The following TNIK variants were observed in gnomAD, a reference collection of about 807,000 sequenced individuals.
TNIK encodes the protein TRAF2 and NCK-interacting protein kinase.
TNIK carries 49 observed loss-of-function variants against 191.3 expected under a neutral mutation model. That is an observed-to-expected ratio of 0.26 (90% CI 0.20 to 0.32). The LOEUF (loss-of-function observed/expected upper bound fraction) is 0.32, where lower values mean the gene tolerates loss of function less well. Among genes scored for constraint, TNIK ranks in the 10% least tolerant of loss-of-function variants. TNIK has a pLI of 1.00. For synonymous variants in TNIK, 594 were observed against 600.9 expected, an observed-to-expected ratio of 0.99 and a Z score of 0.17; for missense variants, 1,155 against 1,702.3, an observed-to-expected ratio of 0.68 and a Z score of 5.66.
At position 171,154,629 on chromosome 3, in the gene TNIK, A is replaced by T. The variant is rs1732931266; in HGVS notation, c.1221+2831T>A. ...GAAGCCTTGACCCCTGAAGGCTCCC[A>T]TTATTCTTGGATCCTAACTCCATGA... On this transcript the variant is annotated intron_variant, in intron 12 of 32. Transcript: ENST00000436636. 2.6e-5 allele frequency among the ~76,000 whole-genome samples: 4 copies of T among 152,352 alleles called. No individual in the cohort carries two copies. The South Asian group carries it at 8.3e-4, about 32-fold the overall frequency.
chr3:171,256,640 G>A (rs1746914247), intron 2 of TNIK, among the ~76,000 whole-genome samples: 1 of 152,160 alleles, frequency 6.6e-6, no homozygotes, highest in Admixed American at 6.5e-5. Flanking sequence ...ACTTTACAAA[G>A]GGTGACTAGC....
At chr3:171,411,328 G>A (rs1722392118) in intron 1 of TNIK, among the ~76,000 whole-genome samples, 1 of 152,124 alleles carries the variant, frequency 6.6e-6, no homozygotes, top group Non-Finnish European at 1.5e-5. Flanking sequence ...GAGATTGAAA[G>A]TGGTGCTGGT....
At chr3:171,268,986 C>G (rs1489265209) in intron 2 of TNIK, among the ~76,000 whole-genome samples, 1 of 152,174 alleles carries the variant, frequency 6.6e-6, no homozygotes, top group Non-Finnish European at 1.5e-5. Flanking sequence ...ATTTTACCTT[C>G]TTTTGCAGAG....
At chr3:171,235,413 G>A (rs959086917) in intron 2 of TNIK, among the ~76,000 whole-genome samples, 3 of 152,114 alleles carry the variant, frequency 2.0e-5, no homozygotes, top group Admixed American at 6.5e-5. Flanking sequence ...AAAAGATGGC[G>A]ACAAAGTATG....
chr3:171,346,979 G>T, intron 2 of TNIK: 3 of 617,144 alleles, frequency 4.9e-6, no homozygotes, highest in Non-Finnish European at 8.1e-6. Context: ...TGCACAGTAG[G>T]AATGTAGGGG....
intron 1 of TNIK, among the ~76,000 whole-genome samples, chr3:171,414,048 A>G (rs1722737892): frequency 6.6e-6 from 1 of 152,180 alleles, no homozygotes; most frequent in African/African-American, 2.4e-5. Flanking sequence ...CTACCTATCC[A>G]TCTATCCATC....
At chr3:171,392,578 G>A (rs113736305) in intron 1 of TNIK, among the ~76,000 whole-genome samples, 17,514 of 151,932 alleles carry the variant, frequency 0.12, 1,337 homozygotes, top group South Asian at 0.28. Context: ...TCAGGAGTTC[G>A]TGACCAGCCT....
At chr3:171,317,342 T>C (rs1238965068) in intron 2 of TNIK, among the ~76,000 whole-genome samples, 2 of 152,136 alleles carry the variant, frequency 1.3e-5, no homozygotes, top group African/African-American at 4.8e-5. Context: ...CACAGGCATC[T>C]GGATAGCAGC....
intron 1 of TNIK, among the ~76,000 whole-genome samples, chr3:171,421,533 G>A (rs1349624446): frequency 6.6e-6 from 1 of 152,164 alleles, no homozygotes; most frequent in African/African-American, 2.4e-5. Flanking sequence ...GTGGGTGCCT[G>A]TGGTTGTACA....
At chr3:171,110,626 C>CTAGA in intron 19 of TNIK, 88 bp downstream of exon 19, 1 of 1,464,004 alleles carries the variant, frequency 6.8e-7, no homozygotes, top group Non-Finnish European at 9.1e-7. Flanking sequence ...CATGCCTGGA[C>CTAGA]TAGAGTCAGG....
chr3:171,379,931 C>T (rs937653731), intron 1 of TNIK, among the ~76,000 whole-genome samples: 1 of 151,986 alleles, frequency 6.6e-6, no homozygotes, highest in Non-Finnish European at 1.5e-5. Flanking sequence ...ATCGCTTGAA[C>T]CAGGGAGGTG....
chr3:171,163,820 T>C (rs912568889), intron 10 of TNIK, among the ~76,000 whole-genome samples: 1 of 151,946 alleles, frequency 6.6e-6, no homozygotes, highest in African/African-American at 2.4e-5. Flanking sequence ...TTCACCAAAA[T>C]TTGCTTTTGA....
chr3:171,198,693 T>C (rs1739026995), intron 4 of TNIK, among the ~76,000 whole-genome samples: 1 of 152,218 alleles, frequency 6.6e-6, no homozygotes, highest in Non-Finnish European at 1.5e-5. Context: ...AGGTGTTCAT[T>C]ATACTGTTCT....
intron 8 of TNIK, 120 bp downstream of exon 8, chr3:171,177,206 G>A: frequency 1.1e-6 from 1 of 938,694 alleles, no homozygotes; most frequent in Non-Finnish European, 1.5e-6. Flanking sequence ...AAATATGCCA[G>A]CTTGAATCCA....
intron 2 of TNIK, among the ~76,000 whole-genome samples, chr3:171,272,323 G>C (rs1490937658): frequency 6.6e-6 from 1 of 152,160 alleles, no homozygotes; most frequent in Admixed American, 6.5e-5. Flanking sequence ...TCAATCTCTG[G>C]AGAATTCCAA....
chr3:171,090,525 A>G (rs1340263085), intron 23 of TNIK, among the ~76,000 whole-genome samples: 2 of 149,048 alleles, frequency 1.3e-5, no homozygotes, highest in African/African-American at 5.0e-5. Context: ...GTTCTGGTTC[A>G]GTGAGGAGGA....
intron 3 of TNIK, chr3:171,225,780 C>T: frequency 5.6e-6 from 2 of 359,350 alleles, no homozygotes; most frequent in Non-Finnish European, 1.1e-5. Context: ...CTTTGAACAT[C>T]AACACACATT....
chr3:171,391,648 T>A (rs556210649), intron 1 of TNIK, among the ~76,000 whole-genome samples: 114 of 152,362 alleles, frequency 7.5e-4, no homozygotes, highest in Middle Eastern at 3.4e-3. Flanking sequence ...TTTGTTAAGA[T>A]GGTATATATA....
chr3:171,063,828 G>A lies in TNIK; in HGVS notation c.*53C>T, dbSNP rs371364550. The A allele has an allele frequency of 5.5e-5, 86 of 1,575,064 alleles. No individual in the cohort carries two copies. The highest frequency in any genetic ancestry group is 7.2e-5 in the Non-Finnish European group (83 of 1,150,234). On this transcript the variant is annotated 3_prime_UTR_variant, in exon 33 of 33. Transcript: ENST00000436636. ...ACTGGCATAAGTCCACATGAGTTAT[G>A]TTCTTTTAAATTAGAAATAACGCCA...
Sources: gnomAD v4.1 joint callset for allele counts (sites outside exome capture counted in the v4.1 genomes callset) on GRCh38, gnomAD v4.1.1 for gene constraint, MANE v1.5 for transcripts, NCBI Gene and HGNC (gene_info 2026-07-23, HGNC 2026-07-21) for gene names.